GALNT13: variants seen among roughly 807,000 people sequenced by gnomAD.
GALNT13 encodes the protein polypeptide N-acetylgalactosaminyltransferase 13.
Under a neutral mutation model 64.2 loss-of-function variants are expected in GALNT13, and 28 were observed. The ratio of observed to expected loss-of-function variants is 0.44; its 90% CI spans 0.32 to 0.60. GALNT13 has a LOEUF of 0.60. Among genes scored for constraint, GALNT13 ranks in the 20% least tolerant of loss-of-function variants. The probability of loss-of-function intolerance (pLI) is 0.05; values close to 1 mark genes in which losing one functional copy is unlikely to be tolerated. For synonymous variants in GALNT13, 214 were observed against 224.6 expected (o/e 0.95, Z 0.42); for missense variants, 577 against 669.8 (o/e 0.86, Z 1.53).
chr2:153,521,833 C>G, the GALNT13 span, among the ~76,000 whole-genome samples: 1 of 152,076 alleles, frequency 6.6e-6, no homozygotes, highest in African/African-American at 2.4e-5. Context: ...TAGTAATATG[C>G]ATTTTATGGT....
At chr2:153,531,419 G>A in the GALNT13 span, among the ~76,000 whole-genome samples, 1 of 152,038 alleles carries the variant, frequency 6.6e-6, no homozygotes, top group Non-Finnish European at 1.5e-5. Flanking sequence ...AGCTTTATTG[G>A]GATGGTGCTA....
the GALNT13 span, chr2:153,370,612 A>T: frequency 2.0e-5 from 3 of 152,186 alleles, no homozygotes; most frequent in Non-Finnish European, 4.4e-5. Flanking sequence ...TGTCACAAAG[A>T]TGTCACTAAA....
At chr2:153,162,782 T>A in the GALNT13 span, among the ~76,000 whole-genome samples, 67 of 152,324 alleles carry the variant, frequency 4.4e-4, no homozygotes, top group Middle Eastern at 3.4e-3. Context: ...GAATATAAGT[T>A]GATCAGTTCT....
At chr2:153,862,183 G>T in the GALNT13 span, among the ~76,000 whole-genome samples, 2 of 151,992 alleles carry the variant, frequency 1.3e-5, no homozygotes, top group Non-Finnish European at 2.9e-5. Flanking sequence ...AAAATAAATT[G>T]TACTACAATT....
the GALNT13 span, among the ~76,000 whole-genome samples, chr2:153,202,798 A>G: frequency 2.6e-5 from 4 of 152,216 alleles, no homozygotes; most frequent in Non-Finnish European, 2.9e-5. Flanking sequence ...TAAAAAACAT[A>G]TATTTGTTAT....
chr2:153,203,814 C>G, the GALNT13 span, among the ~76,000 whole-genome samples: 2 of 152,058 alleles, frequency 1.3e-5, no homozygotes, highest in African/African-American at 4.8e-5. Flanking sequence ...TCCATTTCAA[C>G]TATTCTCACA....
chr2:153,705,426 C>T, the GALNT13 span, among the ~76,000 whole-genome samples: 16 of 150,824 alleles, frequency 1.1e-4, no homozygotes, highest in Non-Finnish European at 2.4e-4. Context: ...GAAACTATTG[C>T]ATTTGATAGA....
chr2:153,425,219 G>GA, the GALNT13 span, among the ~76,000 whole-genome samples: 1 of 151,482 alleles, frequency 6.6e-6, no homozygotes, highest in South Asian at 2.1e-4. Flanking sequence ...TAGACTTTTT[G>GA]AAAAAATAGA....
intron 10 of GALNT13, among the ~76,000 whole-genome samples, chr2:154,406,029 T>A (rs1230822458): frequency 6.6e-6 from 1 of 152,146 alleles, no homozygotes. Context: ...TTTAGATCTA[T>A]CAAAGTGATT....
chr2:153,236,514 C>A, the GALNT13 span, among the ~76,000 whole-genome samples: 1 of 152,054 alleles, frequency 6.6e-6, no homozygotes, highest in African/African-American at 2.4e-5. Context: ...TACCATTCCC[C>A]AAATCCGAGG....
At chr2:153,368,321 T>C in the GALNT13 span, among the ~76,000 whole-genome samples, 1 of 152,132 alleles carries the variant, frequency 6.6e-6, no homozygotes, top group Non-Finnish European at 1.5e-5. Flanking sequence ...CTGAGCTTCC[T>C]GTTTCTGACA....
chr2:153,199,073 G>A, the GALNT13 span, among the ~76,000 whole-genome samples: 2 of 152,272 alleles, frequency 1.3e-5, no homozygotes, highest in South Asian at 4.2e-4. Flanking sequence ...TGTAACAATA[G>A]TGTTGACCAG....
the GALNT13 span, among the ~76,000 whole-genome samples, chr2:153,303,938 G>A: frequency 1.3e-4 from 19 of 151,984 alleles, no homozygotes; most frequent in East Asian, 2.7e-3. Flanking sequence ...AGACATTGCC[G>A]GTGAGTACAA....
intron 8 of GALNT13, among the ~76,000 whole-genome samples, 153 bp from the exon 9 acceptor site, chr2:154,301,255 TC>T (rs1197722772): frequency 1.9e-4 from 29 of 152,332 alleles, no homozygotes; most frequent in African/African-American, 7.0e-4. Flanking sequence ...CAAATTCGCA[TC>T]CTTTGCCAAA....
At chr2:154,041,539 G>C (rs1007838628) in intron 3 of GALNT13, among the ~76,000 whole-genome samples, 20 of 140,536 alleles carry the variant, frequency 1.4e-4, no homozygotes, top group African/African-American at 4.6e-4. Flanking sequence ...CACAAGAAAA[G>C]AGGTGTGTCA....
chr2:154,234,160 G>T (rs2105852478), intron 4 of GALNT13, among the ~76,000 whole-genome samples: 1 of 152,154 alleles, frequency 6.6e-6, no homozygotes, highest in African/African-American at 2.4e-5. Flanking sequence ...ATAAAAGTTT[G>T]ACCACAGAAA....
the GALNT13 span, among the ~76,000 whole-genome samples, chr2:153,101,502 A>G: frequency 6.6e-6 from 1 of 152,080 alleles, no homozygotes; most frequent in Non-Finnish European, 1.5e-5. Flanking sequence ...TGCACTTTTG[A>G]GATAGTATTC....
intron 3 of GALNT13, among the ~76,000 whole-genome samples, chr2:154,108,485 T>G (rs985193): frequency 0.18 from 27,727 of 152,054 alleles, 4,642 homozygotes; most frequent in East Asian, 0.74. Context: ...CTTACATATT[T>G]TAGATATTAA....
the GALNT13 span, among the ~76,000 whole-genome samples, chr2:153,387,094 A>G: frequency 6.6e-6 from 1 of 152,224 alleles, no homozygotes; most frequent in East Asian, 1.9e-4. Flanking sequence ...ATTTTATTCT[A>G]GAAGCGAAAA....
Sources: allele counts gnomAD v4.1 joint callset (sites outside exome capture counted in the v4.1 genomes callset), GRCh38; gene constraint gnomAD v4.1.1; transcripts MANE v1.5; gene names NCBI Gene and HGNC (gene_info 2026-07-23, HGNC 2026-07-21).